Variants in ZMYND15 observed in about 807,000 individuals in gnomAD.
ZMYND15 encodes the protein zinc finger MYND-type containing 15, also known as zinc finger MYND domain-containing protein 15.
Under a neutral mutation model 81.7 loss-of-function variants are expected in ZMYND15, and 54 were observed. The observed-to-expected ratio is 0.66, with a 90% CI of 0.53 to 0.83. The LOEUF (loss-of-function observed/expected upper bound fraction) is 0.83. ZMYND15 is among the 40% of genes least tolerant of loss of function. ZMYND15 has a pLI of 0.00. For synonymous variants in ZMYND15, 399 were observed against 387.0 expected (o/e 1.03, Z -0.36); for missense variants, 925 against 973.5 (o/e 0.95, Z 0.66).
rs764462323 is a variant in ZMYND15 at position 4,744,287 on chromosome 17, C to T, written c.1584+9C>T. On this transcript the variant is annotated intron_variant, in intron 9 of 13. Transcript: ENST00000433935. The surrounding 1 kb of genome is among the most constrained non-coding windows in gnomAD (Gnocchi z 4.1). ...TTGTCATGGTGTTTTGGGTAAGTCACCCCAGGCCTGAAGGTTGGGCATTTT... is the reference window on the plus strand; with the variant it reads ...TTGTCATGGTGTTTTGGGTAAGTCATCCCAGGCCTGAAGGTTGGGCATTTT... 5.6e-6 allele frequency: 9 copies of T among 1,613,976 alleles called. No homozygotes were observed. The highest frequency in any genetic ancestry group is 1.1e-5 in the South Asian group (1 of 91,088).
rs760844355 is a variant in ZMYND15, at chr17:4,744,649, C to A, written c.1708C>A (p.Pro570Thr). ...GGACAGCCTGGAGGTGTCTGTCCGG[C>A]CTGGTTCCGGCATATCAGCACGGCC... ...QRDSLEVSVR[P>T]GSGISARPSS... is the part of the protein sequence containing the mutation. Residue 570 changes from proline (P) to threonine (T), a missense_variant, in exon 11 of 14, where the codon CCT becomes ACT. Coordinates refer to ENST00000433935, the MANE Select transcript of ZMYND15 (RefSeq NM_001136046.3). This position sits in a 1 kb window ranked among gnomAD's most constrained non-coding sequence, Gnocchi z 4.1. 3 of 1,613,054 alleles carry A rather than the reference C, an allele frequency of 1.9e-6. No homozygotes were observed. Among genetic ancestry groups the A allele is most frequent in the Non-Finnish European group, 2.5e-6 (3 of 1,179,944 alleles).
In ZMYND15 at chr17:4,744,830, C is replaced by T; in HGVS notation, c.1838-40C>T. 2.5e-6 allele frequency: 4 copies of T among 1,614,100 alleles called. No individual in the cohort carries two copies. Among genetic ancestry groups the T allele is most frequent in the Non-Finnish European group, 3.4e-6 (4 of 1,179,990 alleles). On this transcript the variant is annotated intron_variant, in intron 11 of 13. Transcript: ENST00000433935. This position sits in a 1 kb window ranked among gnomAD's most constrained non-coding sequence, Gnocchi z 4.1. ...CATGTGGGGAAGGTGGGAGAGAAGC[C>T]CACCGTGGGAGCCAGCTTCTCCCTC... is the stretch of plus-strand genomic sequence containing the variant.
Position 4,740,835 on chromosome 17 carries a change from A to G in ZMYND15, c.287A>G (p.His96Arg), listed in dbSNP as rs751561089. 3.2e-6 allele frequency: 5 copies of G among 1,577,626 alleles called. No individual in the cohort carries two copies. Among genetic ancestry groups the G allele is most frequent in the Admixed American group, 1.8e-5 (1 of 56,384 alleles). Residue 96 changes from histidine (H) to arginine (R), a missense_variant, in exon 2 of 14, where the codon CAC becomes CGC. Transcript: ENST00000433935. Reference protein sequence around the residue: ...AWLLGDNPPLHLRDLSPYISF... With the variant: ...AWLLGDNPPLRLRDLSPYISF... ...CTCCTGGGAGACAACCCTCCACTCC[A>G]CCTGCGAGACCTGAGCCCCTACATC...
Position 4,745,136 on chromosome 17 carries a change from T to C in ZMYND15, c.1897-79T>C. The C allele has an allele frequency of 1.2e-6, 2 of 1,608,956 alleles. No homozygotes were observed. The highest frequency in any genetic ancestry group is 1.7e-6 in the Non-Finnish European group (2 of 1,177,308). ...GCCCGGTCTGTCCGGGGACCTCGGC[T>C]TTCAGCCCGGTCTGTCATTCTGGCT... On this transcript the variant is annotated intron_variant, in intron 12 of 13. Coordinates refer to ENST00000433935, the MANE Select transcript of ZMYND15 (RefSeq NM_001136046.3). This position sits in a 1 kb window ranked among gnomAD's most constrained non-coding sequence, Gnocchi z 5.2.
At position 4,744,977 on chromosome 17, in the gene ZMYND15, C is replaced by G. The variant is rs781674424; in HGVS notation, c.1896+49C>G. The G allele has an allele frequency of 3.5e-5, 57 of 1,609,962 alleles. No individual in the cohort carries two copies. The highest frequency in any genetic ancestry group is 2.8e-4 in the Admixed American group (17 of 59,968). On this transcript the variant is annotated intron_variant, in intron 12 of 13. Coordinates refer to ENST00000433935, the MANE Select transcript of ZMYND15 (RefSeq NM_001136046.3). The surrounding 1 kb of genome is among the most constrained non-coding windows in gnomAD (Gnocchi z 4.1). ...ACTTCTCTCCCCTCCTGCCTGGCCC[C>G]TCCCCATCTCCTTTTCTGAAAGTCT... is the stretch of plus-strand genomic sequence containing the variant.
rs567685457 is a variant in ZMYND15 at position 4,744,443 on chromosome 17, C to T, written c.1659C>T (p.Asp553=). Residue 553 remains aspartate, a synonymous_variant, in exon 10 of 14, where the codon GAC becomes GAT. Transcript: ENST00000433935. This position sits in a 1 kb window ranked among gnomAD's most constrained non-coding sequence, Gnocchi z 4.1. Reference sequence around the variant, plus strand: ...GTGATGGCCTGCCCCCCGAAAGCGACGAGCAGCATTTTACCCTGCAGAGGG... The same window carrying T: ...GTGATGGCCTGCCCCCCGAAAGCGATGAGCAGCATTTTACCCTGCAGAGGG... ...FVGDGLPPES[D]EQHFTLQRDS... is the part of the protein sequence containing the mutation. 9.5e-5 allele frequency: 154 copies of T among 1,614,092 alleles called. 1 individual carries two copies. The South Asian group carries it at 9.6e-4, about 10-fold the overall frequency.
In ZMYND15 at chr17:4,741,015, A is replaced by G. The variant is rs1916381798; in HGVS notation, c.467A>G (p.Gln156Arg). 6.4e-7 allele frequency: 1 copy of G among 1,554,642 alleles called. No individual in the cohort carries two copies. Among genetic ancestry groups the G allele is most frequent in the African/African-American group, 1.4e-5 (1 of 73,400 alleles). Residue 156 changes from glutamine (Q) to arginine (R), a missense_variant, in exon 2 of 14, where the codon CAG (glutamine) becomes CGG (arginine). Coordinates refer to ENST00000433935, the MANE Select transcript of ZMYND15 (RefSeq NM_001136046.3). The stretch of plus-strand genomic sequence containing the variant: ...GCCCCTACCAGCAGGGAGTCCCCCC[A>G]GGAAACAAACCCTCCAGGAGAGTCA... Reference protein sequence around the residue: ...ELAPTSRESPQETNPPGESEE... With the variant: ...ELAPTSRESPRETNPPGESEE...
rs773583128 is a variant in ZMYND15 at position 4,740,633 on chromosome 17, C to A, written c.85C>A (p.Arg29Ser). Residue 29 changes from arginine to serine, a missense_variant, in exon 2 of 14, where the codon CGT (arginine) becomes AGT (serine). Transcript: ENST00000433935. ...FGWFRKFVAERGAVGTSLEGR... is the reference protein window; with the variant it reads ...FGWFRKFVAESGAVGTSLEGR... ...CTGGTTCCGAAAGTTTGTGGCAGAG[C>A]GTGGAGCTGTAGGGACTAGCCTTGA... 6.2e-7 allele frequency: 1 copy of A among 1,613,928 alleles called. No individual in the cohort carries two copies. Among genetic ancestry groups the A allele is most frequent in the African/African-American group, 1.3e-5 (1 of 74,934 alleles).
chr17:4,745,577 A>T lies in ZMYND15; in HGVS notation c.2057+202A>T, dbSNP rs1169312182. Among the ~76,000 whole-genome samples, 1 of 151,152 alleles carries T rather than the reference A, an allele frequency of 6.6e-6. No individual in the cohort carries two copies. Among genetic ancestry groups the T allele is most frequent in the Non-Finnish European group, 1.5e-5 (1 of 67,808 alleles). On this transcript the variant is annotated intron_variant, in intron 13 of 13. Transcript: ENST00000433935. This position sits in a 1 kb window ranked among gnomAD's most constrained non-coding sequence, Gnocchi z 5.2. ...CATCCCCCAGCACACCCCTCTTTAG[A>T]TCTAGCTCACGGAATCTCCCCAACC...
rs766786692 is a variant in ZMYND15, at chr17:4,740,526, C to T, written c.-23C>T. 2.4e-5 allele frequency: 37 copies of T among 1,565,092 alleles called. No homozygotes were observed. Among genetic ancestry groups the T allele is most frequent in the Non-Finnish European group, 3.2e-5 (37 of 1,151,526 alleles). ...ATCCCTTCTTTTGCTCAGTCTGGGC[C>T]GGGGCCCTGTGCCGCTGAAGACATG... On this transcript the variant is annotated 5_prime_UTR_variant, in exon 2 of 14. Coordinates refer to ENST00000433935, the MANE Select transcript of ZMYND15 (RefSeq NM_001136046.3).
chr17:4,745,114 C>A lies in ZMYND15; in HGVS notation c.1897-101C>A, dbSNP rs988717756. ...CGTCCTCCCCCTGCTCCCCTCCGCC[C>A]GGTCTGTCCGGGGACCTCGGCTTTC... On this transcript the variant is annotated intron_variant, in intron 12 of 13. Transcript: ENST00000433935. This position sits in a 1 kb window ranked among gnomAD's most constrained non-coding sequence, Gnocchi z 5.2. 1 of 1,592,962 alleles carries A rather than the reference C, an allele frequency of 6.3e-7. No individual in the cohort carries two copies. The highest frequency in any genetic ancestry group is 8.6e-7 in the Non-Finnish European group (1 of 1,166,350).
Position 4,743,929 on chromosome 17 carries a change from T to C in ZMYND15, c.1379-62T>C, listed in dbSNP as rs1345825512. 6.4e-7 allele frequency: 1 copy of C among 1,573,384 alleles called. No homozygotes were observed. Among genetic ancestry groups the C allele is most frequent in the African/African-American group, 1.4e-5 (1 of 73,942 alleles). ...AGCCTGGGTGGCTGTGAAGAAGAGGTTTGTTAGACTAGAGGGGGTGGGGGT... is the reference window on the plus strand; with the variant it reads ...AGCCTGGGTGGCTGTGAAGAAGAGGCTTGTTAGACTAGAGGGGGTGGGGGT... On this transcript the variant is annotated intron_variant, in intron 7 of 13. Coordinates refer to ENST00000433935, the MANE Select transcript of ZMYND15 (RefSeq NM_001136046.3). This position sits in a 1 kb window ranked among gnomAD's most constrained non-coding sequence, Gnocchi z 4.3.
rs1190088443 is a variant in ZMYND15, at chr17:4,745,780, C to T, written c.2058-39C>T. ...CTGGGAGCGCCGACCCCTGGGAGTC[C>T]CGCCCCGTGGTCCCTGACTGCGCCC... On this transcript the variant is annotated intron_variant, in intron 13 of 13. Transcript: ENST00000433935. The surrounding 1 kb of genome is among the most constrained non-coding windows in gnomAD (Gnocchi z 5.2). The T allele has an allele frequency of 6.5e-6, 10 of 1,547,166 alleles. No individual in the cohort carries two copies. In the Admixed American group the frequency reaches 1.2e-4, roughly 18 times the overall value.
At position 4,743,451 on chromosome 17, in the gene ZMYND15, C is replaced by A. The variant is rs147604131; in HGVS notation, c.1293C>A (p.Arg431=). Residue 431 remains arginine (R), a synonymous_variant, in exon 6 of 14, where the codon CGC becomes CGA. Transcript: ENST00000433935. This position sits in a 1 kb window ranked among gnomAD's most constrained non-coding sequence, Gnocchi z 4.3. The part of the protein sequence containing the change: ...RGNTPSLSLL[R]GGDPYQLLQG... ...ACACGCCATCCCTCAGCCTTCTTCGCGGTGGTGCGTGGGGTCTCTCCAGGC... is the reference window on the plus strand; with the variant it reads ...ACACGCCATCCCTCAGCCTTCTTCGAGGTGGTGCGTGGGGTCTCTCCAGGC... 4 of 1,613,830 alleles carry A rather than the reference C, an allele frequency of 2.5e-6. No homozygotes were observed. The highest frequency in any genetic ancestry group is 3.4e-6 in the Non-Finnish European group (4 of 1,179,962).
rs1051900267 is a variant in ZMYND15 at position 4,743,025 on chromosome 17, C to T, written c.1145-278C>T. Among the ~76,000 whole-genome samples, 11 of 152,030 alleles carry T rather than the reference C, an allele frequency of 7.2e-5. No homozygotes were observed. Among genetic ancestry groups the T allele is most frequent in the African/African-American group, 2.7e-4 (11 of 41,386 alleles). On this transcript the variant is annotated intron_variant, in intron 5 of 13. Transcript: ENST00000433935. This position sits in a 1 kb window ranked among gnomAD's most constrained non-coding sequence, Gnocchi z 4.3. ...TAATCCCAGCACTTTGGGAGGCCAA[C>T]TTGAGCCCAGGAATTTGAGATCAGC...
Position 4,745,927 on chromosome 17 carries a change from T to C in ZMYND15, c.2166T>C (p.Pro722=). The change falls in exon 14 of 14, where the codon CCT becomes CCC. Residue 722 remains proline (P), a synonymous_variant. Transcript: ENST00000433935. The surrounding 1 kb of genome is among the most constrained non-coding windows in gnomAD (Gnocchi z 5.2). The part of the protein sequence containing the change: ...PPPSPTPSAP[P]APTRRRRGEK... ...CATCCCCAACTCCCTCTGCTCCTCCTGCCCCCACCCGAAGGCGCCGAGGAG... is the reference window on the plus strand; with the variant it reads ...CATCCCCAACTCCCTCTGCTCCTCCCGCCCCCACCCGAAGGCGCCGAGGAG... The C allele has an allele frequency of 6.8e-7, 1 of 1,462,442 alleles. No homozygotes were observed. The highest frequency in any genetic ancestry group is 1.5e-5 in the African/African-American group (1 of 67,464). The allele number at this position is 1,462,442 out of a possible 1,614,324, so 90.6% of individuals were successfully genotyped here. A position where few individuals can be genotyped will look rare whatever the true frequency, so the allele number is the denominator to read the frequency against.
chr17:4,745,747 CCCGACCCCTGGGAGCG>C lies in ZMYND15; in HGVS notation c.2058-57_2058-42del, dbSNP rs1048363779. 146 of 1,330,204 alleles carry C rather than the reference CCCGACCCCTGGGAGCG, an allele frequency of 1.1e-4. 1 individual carries two copies. The African/African-American group carries it at 1.5e-3, about 14-fold the overall frequency. 82.4% of individuals were successfully genotyped at this position (1,330,204 alleles called of 1,614,324 possible). A position where few individuals can be genotyped will look rare whatever the true frequency, so the allele number is the denominator to read the frequency against. The stretch of plus-strand genomic sequence containing the variant: ...GGTCCCTGACCGCGCCCCTGGGAGC[CCCGACCCCTGGGAGCG>C]CCGACCCCTGGGAGTCCCGCCCCGT... On this transcript the variant is annotated intron_variant, in intron 13 of 13. Coordinates refer to ENST00000433935, the MANE Select transcript of ZMYND15 (RefSeq NM_001136046.3). The surrounding 1 kb of genome is among the most constrained non-coding windows in gnomAD (Gnocchi z 5.2).
chr17:4,744,975 C>G lies in ZMYND15; in HGVS notation c.1896+47C>G. The stretch of plus-strand genomic sequence containing the variant: ...GAACTTCTCTCCCCTCCTGCCTGGC[C>G]CCTCCCCATCTCCTTTTCTGAAAGT... On this transcript the variant is annotated intron_variant, in intron 12 of 13. Coordinates refer to ENST00000433935, the MANE Select transcript of ZMYND15 (RefSeq NM_001136046.3). This position sits in a 1 kb window ranked among gnomAD's most constrained non-coding sequence, Gnocchi z 4.1. 6.2e-7 allele frequency: 1 copy of G among 1,609,796 alleles called. No individual in the cohort carries two copies. The highest frequency in any genetic ancestry group is 1.1e-5 in the South Asian group (1 of 90,942).
chr17:4,745,981 G>A lies in ZMYND15; in HGVS notation c.2220G>A (p.Arg740=), dbSNP rs1347260421. ...AGAAACCTGGGCGGGGGGCCCGCCG[G>A]CGGAAATGAATGCTGATACCCTAGT... ...GEKKPGRGAR[R]RK is the part of the protein sequence containing the mutation. The change falls in exon 14 of 14, where the codon CGG becomes CGA. Residue 740 remains arginine, a synonymous_variant. Coordinates refer to ENST00000433935, the MANE Select transcript of ZMYND15 (RefSeq NM_001136046.3). This position sits in a 1 kb window ranked among gnomAD's most constrained non-coding sequence, Gnocchi z 5.2. The A allele has an allele frequency of 2.1e-6, 3 of 1,442,482 alleles. No homozygotes were observed. The highest frequency in any genetic ancestry group is 2.7e-6 in the Non-Finnish European group (3 of 1,102,502). 89.4% of individuals were successfully genotyped at this position (1,442,482 alleles called of 1,614,324 possible).
Sources: allele counts gnomAD v4.1 joint callset (sites outside exome capture counted in the v4.1 genomes callset), GRCh38; gene constraint gnomAD v4.1.1; non-coding constraint Gnocchi (gnomAD v3.1); transcripts MANE v1.5; gene names NCBI Gene and HGNC (gene_info 2026-07-23, HGNC 2026-07-21).